The following DIXDC1 variants were observed in gnomAD, a reference collection of about 807,000 sequenced individuals.
DIXDC1 encodes DIX domain containing 1, also known as dixin.
In DIXDC1, 64 loss-of-function variants were observed where a neutral mutation model predicts 103.1. That is an observed-to-expected ratio of 0.62 (90% CI 0.51 to 0.76). DIXDC1 has a LOEUF of 0.76. DIXDC1 is among the 30% of genes least tolerant of loss of function. DIXDC1 has a pLI of 0.00. For synonymous variants in DIXDC1, 266 were observed against 298.5 expected, an observed-to-expected ratio of 0.89 and a Z score of 1.12; for missense variants, 759 against 834.2, an observed-to-expected ratio of 0.91 and a Z score of 1.11.
chr11:112,007,121 T>C (rs1861262129), intron 17 of DIXDC1, among the ~76,000 whole-genome samples: 1 of 152,162 alleles, frequency 6.6e-6, no homozygotes, highest in African/African-American at 2.4e-5. Context: ...AATGACCTGA[T>C]GGAGCTGAAA....
At chr11:111,937,259 G>A (rs1966235349), upstream of DIXDC1, 2 of 1,273,762 alleles carry the variant, frequency 1.6e-6, no homozygotes, top group Non-Finnish European at 2.0e-6. Flanking sequence ...CCTAGTGCGC[G>A]CCCAGTTGTT....
intron 17 of DIXDC1, among the ~76,000 whole-genome samples, chr11:112,002,783 A>G (rs1013011690): frequency 3.3e-5 from 5 of 152,212 alleles, no homozygotes; most frequent in Admixed American, 3.3e-4. Flanking sequence ...CTCAAAAACA[A>G]AACAAAACAC....
chr11:111,946,856 A>C, intron 1 of DIXDC1: 2 of 392,768 alleles, frequency 5.1e-6, no homozygotes, highest in Non-Finnish European at 1.0e-5. Flanking sequence ...GCTGTATTGC[A>C]GAAAAGCCTA....
At chr11:112,005,974 G>A (rs748119691) in intron 17 of DIXDC1, among the ~76,000 whole-genome samples, 2 of 152,166 alleles carry the variant, frequency 1.3e-5, no homozygotes, top group Non-Finnish European at 2.9e-5. Context: ...CCAAAGCAGG[G>A]CAGGGCGTCG....
rs189475903 is a variant in DIXDC1, at chr11:112,017,961, T to C, written c.1971+76T>C. ...CTGAAGCCTCCTGTTCAAGCACTAGTGTCCAGAAGTACATGAGTTCCCTGA... is the reference window on the plus strand; with the variant it reads ...CTGAAGCCTCCTGTTCAAGCACTAGCGTCCAGAAGTACATGAGTTCCCTGA... On this transcript the variant is annotated intron_variant, in intron 19 of 19. Transcript: ENST00000440460. The surrounding 1 kb of genome is among the most constrained non-coding windows in gnomAD (Gnocchi z 4.0). 330 of 1,182,420 alleles carry C rather than the reference T, an allele frequency of 2.8e-4. No homozygotes were observed. The African/African-American group carries it at 4.7e-3, about 17-fold the overall frequency. The allele number at this position is 1,182,420 out of a possible 1,614,324, so 73.2% of individuals were successfully genotyped here. A position where few individuals can be genotyped will look rare whatever the true frequency, so the allele number is the denominator to read the frequency against.
At position 112,019,318 on chromosome 11, in the gene DIXDC1, A is replaced by G. The variant is rs1265562402; in HGVS notation, c.*282A>G. ...TGAGGACAACAAACCGAAGGCCTTA[A>G]ACGATGGGGATGGATGATCCCGCCT... On this transcript the variant is annotated 3_prime_UTR_variant, in exon 20 of 20. Coordinates refer to ENST00000440460, the MANE Select transcript of DIXDC1 (RefSeq NM_001037954.4). 1 of 231,150 alleles carries G rather than the reference A, an allele frequency of 4.3e-6. No individual in the cohort carries two copies. The highest frequency in any genetic ancestry group is 5.2e-5 in the Admixed American group (1 of 19,264). The allele number at this position is 231,150 out of a possible 1,614,324, so 14.3% of individuals were successfully genotyped here.
chr11:111,937,137 G>GGGGT, upstream of DIXDC1: 4 of 736,434 alleles, frequency 5.4e-6, no homozygotes, highest in Non-Finnish European at 6.6e-6. Flanking sequence ...CGGGCGGGGG[G>GGGGT]GGGGTGTGCG....
chr11:111,966,925 C>T (rs143898400), intron 2 of DIXDC1, among the ~76,000 whole-genome samples: 1 of 152,278 alleles, frequency 6.6e-6, no homozygotes, highest in East Asian at 1.9e-4. Flanking sequence ...AGTGGCCAGG[C>T]CTCAGACCTC....
chr11:111,932,586 C>CA (rs1279927247), upstream of DIXDC1, among the ~76,000 whole-genome samples: 2,023 of 65,246 alleles, frequency 0.031, 37 homozygotes, highest in African/African-American at 0.067. Flanking sequence ...GACTCCGTCT[C>CA]AAAAAAAAAA....
intron 1 of DIXDC1, among the ~76,000 whole-genome samples, chr11:111,956,485 G>GTAA: frequency 6.6e-6 from 1 of 152,154 alleles, no homozygotes; most frequent in South Asian, 2.1e-4. Flanking sequence ...AAAATAAATA[G>GTAA]TAATAATAAT....
intron 17 of DIXDC1, among the ~76,000 whole-genome samples, chr11:112,005,969 G>A (rs913113591): frequency 6.6e-6 from 1 of 152,198 alleles, no homozygotes; most frequent in African/African-American, 2.4e-5. Flanking sequence ...GTGAACCAAA[G>A]CAGGGCAGGG....
Position 112,019,111 on chromosome 11 carries a change from C to T in DIXDC1, c.*75C>T, listed in dbSNP as rs1861682584. 8.0e-7 allele frequency: 1 copy of T among 1,254,978 alleles called. No homozygotes were observed. The highest frequency in any genetic ancestry group is 1.1e-6 in the Non-Finnish European group (1 of 875,408). The allele number at this position is 1,254,978 out of a possible 1,614,324, so 77.7% of individuals were successfully genotyped here. ...CTTCACTCAGGAAAGGGAACTAAAA[C>T]CAGAATACACTAAGAAGTTTCTAGT... On this transcript the variant is annotated 3_prime_UTR_variant, in exon 20 of 20. Transcript: ENST00000440460.
upstream of DIXDC1, among the ~76,000 whole-genome samples, chr11:111,936,936 C>T (rs138804798): frequency 0.014 from 2,133 of 151,246 alleles, 36 homozygotes; most frequent in Non-Finnish European, 0.022. Flanking sequence ...TGTGTGCGCG[C>T]GCGCGGCTGC....
In DIXDC1 at chr11:112,018,986, T is replaced by A; in HGVS notation, c.2002T>A (p.Trp668Arg). 1 of 1,613,540 alleles carries A rather than the reference T, an allele frequency of 6.2e-7. No individual in the cohort carries two copies. The highest frequency in any genetic ancestry group is 8.5e-7 in the Non-Finnish European group (1 of 1,179,604). ...IFHDDDAIPG[W>R]EGKIVAWVEE... is the part of the protein sequence containing the mutation. ...CCATGATGATGATGCCATCCCTGGA[T>A]GGGAAGGGAAAATTGTAGCTTGGGT... The change falls in exon 20 of 20, where the codon TGG (tryptophan) becomes AGG (arginine). Residue 668 changes from tryptophan (W) to arginine (R), a missense_variant. By Grantham distance (101) the Trp-to-Arg change is moderately radical (BLOSUM62 -3). Around this residue, in one of 3 missense-constraint regions of DIXDC1, gnomAD observed 657 missense variants for 727.5 expected, o/e 0.90. Transcript: ENST00000440460.
chr11:112,008,764 C>A (rs1861319003), intron 17 of DIXDC1, among the ~76,000 whole-genome samples: 2 of 152,134 alleles, frequency 1.3e-5, no homozygotes, highest in African/African-American at 2.4e-5. Flanking sequence ...CCAATGAGAA[C>A]AAAGACACAA....
At chr11:111,943,658 C>T (rs1447701856) in intron 1 of DIXDC1, among the ~76,000 whole-genome samples, 3 of 151,958 alleles carry the variant, frequency 2.0e-5, no homozygotes, top group African/African-American at 7.3e-5. Context: ...TGCCACCACG[C>T]CTGGCTAAAT....
At chr11:111,966,397 ATTTTTTTTTTTT>A (rs1221666046) in intron 2 of DIXDC1, among the ~76,000 whole-genome samples, 7 of 58,710 alleles carry the variant, frequency 1.2e-4, no homozygotes, top group Admixed American at 8.3e-4. Flanking sequence ...TAATTTTTGT[ATTTTTTTTTTTT>A]TTTTTTTTTT....
chr11:112,006,978 C>T (rs1168321782), intron 17 of DIXDC1, among the ~76,000 whole-genome samples: 2 of 152,120 alleles, frequency 1.3e-5, no homozygotes, highest in African/African-American at 2.4e-5. Flanking sequence ...TGACAGAAGT[C>T]GGCTTCAGAA....
chr11:111,953,999 T>C (rs1456664896), intron 1 of DIXDC1, among the ~76,000 whole-genome samples: 1 of 152,058 alleles, frequency 6.6e-6, no homozygotes, highest in East Asian at 1.9e-4. Flanking sequence ...GTCCCCAACC[T>C]TTCTGGCACC....
Sources: gnomAD v4.1 joint callset for allele counts (sites outside exome capture counted in the v4.1 genomes callset) on GRCh38, gnomAD v4.1.1 for gene constraint, gnomAD v4.1.1 regional missense constraint, Gnocchi (gnomAD v3.1) non-coding constraint, MANE v1.5 for transcripts, NCBI Gene and HGNC (gene_info 2026-07-23, HGNC 2026-07-21) for gene names.